The following FHIT variants were observed in gnomAD, a reference collection of about 807,000 sequenced individuals.
FHIT encodes the protein fragile histidine triad diadenosine triphosphatase.
Under a neutral mutation model 17.9 loss-of-function variants are expected in FHIT, and 19 were observed. The ratio of observed to expected loss-of-function variants is 1.06; its 90% CI spans 0.74 to 1.56. FHIT has a LOEUF of 1.56. Ranked by LOEUF, FHIT falls within the 40% of genes most tolerant of loss-of-function variation. The pLI, the probability that FHIT is intolerant of heterozygous loss-of-function variation, is 0.00. For missense variants in FHIT, 248 were observed against 189.2 expected (o/e 1.31, Z -1.82); for synonymous variants, 81 against 69.7 (o/e 1.16, Z -0.81).
chr3:60,164,277 C>G (rs1701061415), intron 5 of FHIT, among the ~76,000 whole-genome samples: 1 of 152,152 alleles, frequency 6.6e-6, no homozygotes, highest in Non-Finnish European at 1.5e-5. Flanking sequence ...CAGCAGCCCC[C>G]ACAGCACAAA....
chr3:60,022,566 G>A (rs2106740399), intron 5 of FHIT, among the ~76,000 whole-genome samples: 1 of 152,322 alleles, frequency 6.6e-6, no homozygotes, highest in East Asian at 1.9e-4. Context: ...TTATAGGTCA[G>A]CAGGGGCCTC....
chr3:60,991,928 A>G (rs2030261392), intron 3 of FHIT, among the ~76,000 whole-genome samples: 1 of 152,208 alleles, frequency 6.6e-6, no homozygotes, highest in South Asian at 2.1e-4. Context: ...TTCCATCAGC[A>G]TAGAGCATCT....
chr3:60,376,125 T>C (rs1700548976), intron 5 of FHIT, among the ~76,000 whole-genome samples: 1 of 152,178 alleles, frequency 6.6e-6, no homozygotes, highest in South Asian at 2.1e-4. Context: ...ACATAGTGTT[T>C]AAAATTATTT....
chr3:60,968,086 A>G (rs1290338564), intron 3 of FHIT, among the ~76,000 whole-genome samples: 1 of 152,246 alleles, frequency 6.6e-6, no homozygotes, highest in East Asian at 1.9e-4. Context: ...ATCCATGTCC[A>G]GTCTGATCCA....
intron 5 of FHIT, among the ~76,000 whole-genome samples, chr3:60,267,411 CTAT>C (rs1364399925): frequency 1.3e-5 from 2 of 151,878 alleles, no homozygotes; most frequent in African/African-American, 2.4e-5. Context: ...AAAAATTATG[CTAT>C]TATAAGAAAT....
At chr3:60,403,114 T>C (rs1248186802) in intron 5 of FHIT, among the ~76,000 whole-genome samples, 1 of 152,218 alleles carries the variant, frequency 6.6e-6, no homozygotes, top group Non-Finnish European at 1.5e-5. Flanking sequence ...GTTCAAGTGG[T>C]ACTTACTTCA....
At chr3:59,943,350 G>A (rs1172327068) in intron 7 of FHIT, among the ~76,000 whole-genome samples, 1 of 152,016 alleles carries the variant, frequency 6.6e-6, no homozygotes, top group Non-Finnish European at 1.5e-5. Context: ...TAAAAAATAT[G>A]TTCACCTTTA....
chr3:60,987,127 T>G (rs1371696900), intron 3 of FHIT, among the ~76,000 whole-genome samples: 1 of 152,182 alleles, frequency 6.6e-6, no homozygotes, highest in African/African-American at 2.4e-5. Context: ...TCAAATTGCC[T>G]TGAAAAGCAG....
chr3:60,497,854 C>A (rs2034363997), intron 5 of FHIT, among the ~76,000 whole-genome samples: 1 of 152,214 alleles, frequency 6.6e-6, no homozygotes, highest in African/African-American at 2.4e-5. Context: ...CTCCCAACCT[C>A]ATGGGTTTCA....
At chr3:60,316,417 G>T in intron 5 of FHIT, among the ~76,000 whole-genome samples, 1 of 152,130 alleles carries the variant, frequency 6.6e-6, no homozygotes, top group Non-Finnish European at 1.5e-5. Context: ...ACTTAGGATA[G>T]GTTGAAAATT....
intron 4 of FHIT, among the ~76,000 whole-genome samples, chr3:60,607,121 C>A (rs1415933724): frequency 1.3e-5 from 2 of 152,012 alleles, no homozygotes; most frequent in Admixed American, 6.6e-5. Context: ...AATTTTAGTC[C>A]CTCTTCCATA....
At chr3:60,225,767 A>C (rs997322346) in intron 5 of FHIT, among the ~76,000 whole-genome samples, 5 of 152,198 alleles carry the variant, frequency 3.3e-5, no homozygotes, top group African/African-American at 1.2e-4. Flanking sequence ...ACTGAAGATA[A>C]CAGACGGACA....
chr3:60,660,672 T>C (rs562213844), intron 4 of FHIT, among the ~76,000 whole-genome samples: 2 of 151,330 alleles, frequency 1.3e-5, no homozygotes, highest in African/African-American at 4.8e-5. Context: ...TATCTCATTA[T>C]GGTTTATATT....
At chr3:60,462,135 T>A (rs2032512584) in intron 5 of FHIT, among the ~76,000 whole-genome samples, 1 of 152,208 alleles carries the variant, frequency 6.6e-6, no homozygotes, top group Non-Finnish European at 1.5e-5. Flanking sequence ...ATAGCCCTTG[T>A]CTGCCTGGAG....
chr3:60,245,998 C>T (rs920027820), intron 5 of FHIT, among the ~76,000 whole-genome samples: 1 of 151,934 alleles, frequency 6.6e-6, no homozygotes, highest in Non-Finnish European at 1.5e-5. Context: ...TTAAATTTGC[C>T]TATGCTTATG....
At chr3:59,986,498 AATATATATATATAT>A (rs74199531) in intron 7 of FHIT, among the ~76,000 whole-genome samples, 1 of 62,308 alleles carries the variant, frequency 1.6e-5, no homozygotes, top group African/African-American at 7.1e-5. Context: ...AGTAGTCCAA[AATATATATATATAT>A]ATATATATAT....
intron 3 of FHIT, among the ~76,000 whole-genome samples, chr3:60,921,715 GA>G (rs34348154): frequency 0.6 from 90,680 of 151,876 alleles, 27,334 homozygotes; most frequent in East Asian, 0.71. Context: ...ACACTTACTA[GA>G]AAAACTGCTT....
At chr3:60,317,912 T>G (rs1052435511) in intron 5 of FHIT, among the ~76,000 whole-genome samples, 3 of 151,926 alleles carry the variant, frequency 2.0e-5, no homozygotes, top group African/African-American at 7.3e-5. Flanking sequence ...TGCCTTAGCC[T>G]CCCTAGTAGC....
At chr3:60,724,041 G>C (rs1352326079) in intron 4 of FHIT, among the ~76,000 whole-genome samples, 3 of 152,114 alleles carry the variant, frequency 2.0e-5, no homozygotes, top group Non-Finnish European at 2.9e-5. Flanking sequence ...TACAATTCAA[G>C]ATTTATATTC....
Sources: allele counts gnomAD v4.1 joint callset (sites outside exome capture counted in the v4.1 genomes callset), GRCh38; gene constraint gnomAD v4.1.1; transcripts MANE v1.5; gene names NCBI Gene and HGNC (gene_info 2026-07-23, HGNC 2026-07-21).